The following L2HGDH variants were observed in gnomAD, a reference collection of about 807,000 sequenced individuals.
The protein encoded by L2HGDH is L-2-hydroxyglutarate dehydrogenase.
Under a neutral mutation model 51.5 loss-of-function variants are expected in L2HGDH, and 34 were observed. The ratio of observed to expected loss-of-function variants is 0.66; its 90% confidence interval spans 0.50 to 0.88. L2HGDH has a LOEUF of 0.88. Among genes scored for constraint, L2HGDH ranks in the 40% least tolerant of loss-of-function variants. The pLI, the probability that L2HGDH is intolerant of heterozygous loss-of-function variation, is 0.00. For missense variants in L2HGDH, 558 were observed against 571.9 expected, an observed-to-expected ratio of 0.98 and a Z score of 0.25; for synonymous variants, 198 against 197.9, an observed-to-expected ratio of 1.00 and a Z score of -0.01.
chr14:50,279,001 C>A (rs1211990461), intron 5 of L2HGDH, among the ~76,000 whole-genome samples: 1 of 152,192 alleles, frequency 6.6e-6, no homozygotes, highest in Non-Finnish European at 1.5e-5. Context: ...AACACAAAAA[C>A]TTCTAATAAA....
In L2HGDH at chr14:50,305,158, T is replaced by C. The variant is rs1007746861; in HGVS notation, c.141-2141A>G. 3.9e-5 allele frequency among the ~76,000 whole-genome samples: 6 copies of C among 152,180 alleles called. No homozygotes were observed. In the East Asian group the frequency reaches 1.2e-3, roughly 29 times the overall value. On this transcript the variant is annotated intron_variant, in intron 1 of 9. Transcript: ENST00000267436. ...CCTGCATCTTAAATTAACTTGGGGG[T>C]CATAAGTGGATAAAGTTCCCTCTGT...
At chr14:50,272,284 T>TGG (rs1889740047) in intron 6 of L2HGDH, among the ~76,000 whole-genome samples, 1 of 152,212 alleles carries the variant, frequency 6.6e-6, no homozygotes, top group South Asian at 2.1e-4. Context: ...ATATATCCAC[T>TGG]GGTATGCCAT....
At chr14:50,295,820 C>A (rs1310122122) in intron 3 of L2HGDH, among the ~76,000 whole-genome samples, 1 of 150,768 alleles carries the variant, frequency 6.6e-6, no homozygotes, top group Non-Finnish European at 1.5e-5. Flanking sequence ...CTCACTGCAA[C>A]CTCTGCGTCC....
Position 50,247,173 on chromosome 14 carries a change from C to G in L2HGDH, c.1277G>C (p.Gly426Ala). 6.2e-7 allele frequency: 1 copy of G among 1,614,140 alleles called. No homozygotes were observed. The highest frequency in any genetic ancestry group is 1.1e-5 in the South Asian group (1 of 91,078). The change falls in exon 10 of 10, where the codon GGG (glycine) becomes GCG (alanine). Residue 426 changes from glycine (G) to alanine (A), a missense_variant. Gly to Ala is a moderately conservative substitution (Grantham distance 60, BLOSUM62 0). Coordinates refer to ENST00000267436, the MANE Select transcript of L2HGDH (RefSeq NM_024884.3). ...VEDFVFDAGV[G>A]DIGNRILHVR... ...ATGAAGAATGCGATTTCCAATATCC[C>G]CAACTCCTGCATCAAATACAAAATC...
At chr14:50,263,953 T>C (rs1165550377) in intron 9 of L2HGDH, among the ~76,000 whole-genome samples, 1 of 151,400 alleles carries the variant, frequency 6.6e-6, no homozygotes, top group Admixed American at 6.6e-5. Context: ...TTTTGTATTT[T>C]TAATAGAGAC....
chr14:50,245,121 G>A lies in L2HGDH; in HGVS notation c.*1937C>T, dbSNP rs749702304. 1.7e-5 allele frequency: 17 copies of A among 985,618 alleles called. No individual in the cohort carries two copies. The highest frequency in any genetic ancestry group is 1.4e-5 in the Non-Finnish European group (12 of 829,924). The allele number at this position is 985,618 out of a possible 1,614,324, so 61.1% of individuals were successfully genotyped here. On this transcript the variant is annotated 3_prime_UTR_variant, in exon 10 of 10. Transcript: ENST00000267436. Reference sequence around the variant, plus strand: ...AGGCACTTTCGCGGTTTACAAAAGTGAATGCCTCAAAGTTAGATATTTATC... The same window carrying A: ...AGGCACTTTCGCGGTTTACAAAAGTAAATGCCTCAAAGTTAGATATTTATC...
rs566890645 is a variant in L2HGDH, at chr14:50,243,397, AAC to A, written c.*3659_*3660del. The A allele has an allele frequency of 7.3e-5, 72 of 981,442 alleles. 2 individuals are homozygous for A. The South Asian group carries it at 3.1e-3, about 42-fold the overall frequency. 60.8% of individuals were successfully genotyped at this position (981,442 alleles called of 1,614,324 possible). A position where few individuals can be genotyped will look rare whatever the true frequency, so the allele number is the denominator to read the frequency against. On this transcript the variant is annotated 3_prime_UTR_variant, in exon 10 of 10. Coordinates refer to ENST00000267436, the MANE Select transcript of L2HGDH (RefSeq NM_024884.3). ...GGTTGGCTGCTATCTATCTAAAGCA[AAC>A]AGTTTATGTTTTACACATAAAAAAA...
intron 6 of L2HGDH, among the ~76,000 whole-genome samples, chr14:50,278,215 T>C (rs576601027): frequency 4.2e-4 from 64 of 152,342 alleles, no homozygotes; most frequent in African/African-American, 1.4e-3. Context: ...TTCTGATTTA[T>C]AGAGAGTTAA....
intron 6 of L2HGDH, among the ~76,000 whole-genome samples, chr14:50,274,782 A>G (rs2139996581): frequency 6.6e-6 from 1 of 152,328 alleles, no homozygotes; most frequent in East Asian, 1.9e-4. Context: ...ATGCAATATT[A>G]TTCAGCCATA....
rs1020944884 is a variant in L2HGDH at position 50,302,167 on chromosome 14, A to T, written c.258T>A (p.Ala86=). The stretch of plus-strand genomic sequence containing the variant: ...CACTGTTATGTCCAGTCTGGTGAAC[A>T]GCTACAGAACAAGAGAAACAGGGTA... ...IGVLEKEKDL[A]VHQTGHNSGV... The change falls in exon 3 of 10, where the codon GCT becomes GCA. Residue 86 remains alanine (A), a splice_region_variant and synonymous_variant. Coordinates refer to ENST00000267436, the MANE Select transcript of L2HGDH (RefSeq NM_024884.3). 2.5e-6 allele frequency: 4 copies of T among 1,614,036 alleles called. No individual in the cohort carries two copies. The highest frequency in any genetic ancestry group is 1.7e-5 in the Admixed American group (1 of 60,020).
intron 5 of L2HGDH, among the ~76,000 whole-genome samples, 193 bp downstream of exon 5, chr14:50,283,678 C>T (rs1254605096): frequency 3.9e-5 from 6 of 152,162 alleles, no homozygotes; most frequent in African/African-American, 1.4e-4. Flanking sequence ...TTACTTATAA[C>T]ACCGAATGCA....
chr14:50,286,219 G>A (rs139528521), intron 4 of L2HGDH, among the ~76,000 whole-genome samples: 18 of 152,266 alleles, frequency 1.2e-4, no homozygotes, highest in South Asian at 2.1e-4. Flanking sequence ...GACCAATAGT[G>A]CTAACAAAAT....
intron 1 of L2HGDH, among the ~76,000 whole-genome samples, chr14:50,304,095 T>C (rs1005661741): frequency 3.6e-4 from 55 of 152,226 alleles, no homozygotes; most frequent in African/African-American, 1.3e-3. Flanking sequence ...CTATATGGGA[T>C]AGCTTATTGC....
intron 5 of L2HGDH, among the ~76,000 whole-genome samples, chr14:50,278,807 C>G (rs116571258): frequency 0.016 from 2,399 of 152,284 alleles, 64 homozygotes; most frequent in African/African-American, 0.055. Context: ...CACCTGACCT[C>G]CAATATAGAC....
intron 3 of L2HGDH, among the ~76,000 whole-genome samples, chr14:50,294,893 C>T (rs538109328): frequency 6.6e-5 from 10 of 152,038 alleles, no homozygotes; most frequent in East Asian, 3.9e-4. Context: ...GGTGCATATT[C>T]GAAGGTATAT....
chr14:50,291,273 G>A (rs1890876335), intron 4 of L2HGDH, among the ~76,000 whole-genome samples: 1 of 150,900 alleles, frequency 6.6e-6, no homozygotes, highest in African/African-American at 2.4e-5. Flanking sequence ...ACAGGTGGCA[G>A]GATGAATTTG....
intron 1 of L2HGDH, among the ~76,000 whole-genome samples, chr14:50,309,778 G>A (rs1379768688): frequency 1.3e-5 from 2 of 151,610 alleles, no homozygotes; most frequent in African/African-American, 4.9e-5. Context: ...AACCTCCTGG[G>A]CTCAAGCGAT....
chr14:50,274,312 A>G (rs2139995705), intron 6 of L2HGDH, among the ~76,000 whole-genome samples: 1 of 143,772 alleles, frequency 7.0e-6, no homozygotes, highest in Middle Eastern at 3.5e-3. Context: ...CAAGGACCTG[A>G]ATATGTATTT....
At chr14:50,250,049 A>G (rs1444964946) in intron 9 of L2HGDH, among the ~76,000 whole-genome samples, 1 of 151,070 alleles carries the variant, frequency 6.6e-6, no homozygotes, top group Non-Finnish European at 1.5e-5. Flanking sequence ...TTACAGGTGC[A>G]CTCCACCACG....
Sources: allele counts gnomAD v4.1 joint callset (sites outside exome capture counted in the v4.1 genomes callset), GRCh38; gene constraint gnomAD v4.1.1; transcripts MANE v1.5; gene names NCBI Gene and HGNC (gene_info 2026-07-23, HGNC 2026-07-21).